The following C10orf143 variants were observed in gnomAD, a reference collection of about 807,000 sequenced individuals.
The protein encoded by C10orf143 is chromosome 10 open reading frame 143.
At chr10:130,077,067 G>A (rs1861130382) in intron 3 of C10orf143, among the ~76,000 whole-genome samples, 1 of 152,078 alleles carries the variant, frequency 6.6e-6, no homozygotes. Context: ...ATGTACAGCA[G>A]GAGATAAACC....
intron 1 of C10orf143, among the ~76,000 whole-genome samples, chr10:130,082,732 G>A (rs532569432): frequency 5.9e-5 from 9 of 152,232 alleles, no homozygotes; most frequent in African/African-American, 9.6e-5. Flanking sequence ...TATCAGCAGC[G>A]TGAAAACAGA....
chr10:130,088,321 T>A (rs1377221812), intron 1 of C10orf143, among the ~76,000 whole-genome samples: 1 of 151,746 alleles, frequency 6.6e-6, no homozygotes, highest in Non-Finnish European at 1.5e-5. Context: ...GAGGCAGAGG[T>A]TGTAGTGAGC....
chr10:130,040,572 G>C (rs117057775), intron 3 of C10orf143, among the ~76,000 whole-genome samples: 1 of 152,220 alleles, frequency 6.6e-6, no homozygotes, highest in Admixed American at 6.5e-5. Context: ...ATGGGACGGC[G>C]TGCTGGCTCA....
At chr10:130,061,466 G>A (rs910884287), downstream of C10orf143, among the ~76,000 whole-genome samples, 13 of 152,178 alleles carry the variant, frequency 8.5e-5, no homozygotes, top group African/African-American at 3.1e-4. Context: ...AGTTTCGTAA[G>A]TTGTTGGTTT....
intron 3 of C10orf143, among the ~76,000 whole-genome samples, chr10:130,075,770 G>A (rs1861105669): frequency 6.6e-6 from 1 of 152,004 alleles, no homozygotes; most frequent in African/African-American, 2.4e-5. Context: ...AAAGTGCATA[G>A]CACTTCCCCT....
intron 3 of C10orf143, among the ~76,000 whole-genome samples, chr10:130,072,438 T>C (rs1477517942): frequency 6.6e-6 from 1 of 152,210 alleles, no homozygotes; most frequent in East Asian, 1.9e-4. Context: ...TTTTATACTA[T>C]CCATCTTTTT....
chr10:130,076,748 T>C (rs1861124851), intron 3 of C10orf143, among the ~76,000 whole-genome samples: 1 of 152,190 alleles, frequency 6.6e-6, no homozygotes, highest in Non-Finnish European at 1.5e-5. Context: ...TTCATTTCCA[T>C]TTCACACTTG....
chr10:130,061,171 T>C (rs930864838), downstream of C10orf143, among the ~76,000 whole-genome samples: 16 of 152,310 alleles, frequency 1.1e-4, no homozygotes, highest in Non-Finnish European at 2.2e-4. Context: ...TAAAAGTACA[T>C]GCTTGGGAGC....
At chr10:130,100,252 C>T (rs372747255) in intron 1 of C10orf143, among the ~76,000 whole-genome samples, 12 of 152,096 alleles carry the variant, frequency 7.9e-5, no homozygotes, top group African/African-American at 2.4e-4. Context: ...CAAAACAGGG[C>T]GAGGCACAGT....
intron 3 of C10orf143, among the ~76,000 whole-genome samples, chr10:130,074,491 G>A (rs762991794): frequency 2.1e-4 from 32 of 152,242 alleles, no homozygotes; most frequent in Non-Finnish European, 3.1e-4. Flanking sequence ...AGGGCACTGC[G>A]CATCGATCTC....
At chr10:130,059,471 T>C (rs1441497787), downstream of C10orf143, among the ~76,000 whole-genome samples, 1 of 152,052 alleles carries the variant, frequency 6.6e-6, no homozygotes, top group African/African-American at 2.4e-5. Context: ...AGGTGGAAAG[T>C]TTACAAAAGA....
intron 1 of C10orf143, among the ~76,000 whole-genome samples, chr10:130,082,961 AC>A (rs898719026): frequency 1.3e-5 from 2 of 152,206 alleles, no homozygotes; most frequent in African/African-American, 4.8e-5. Context: ...GTAAGGCCAA[AC>A]AAACAAAAAA....
chr10:130,048,510 A>G (rs1387436924), intron 3 of C10orf143, among the ~76,000 whole-genome samples: 1 of 151,998 alleles, frequency 6.6e-6, no homozygotes, highest in Non-Finnish European at 1.5e-5. Context: ...CAAGTCCCCA[A>G]CTCACGTCAC....
At position 130,056,343 on chromosome 10, in the gene C10orf143, G is replaced by A. The variant is rs1035413560; in HGVS notation, c.298-20373C>T. Among the ~76,000 whole-genome samples the A allele has an allele frequency of 6.6e-6, 1 of 152,120 alleles. No individual in the cohort carries two copies. The highest frequency in any genetic ancestry group is 2.4e-5 in the African/African-American group (1 of 41,422). On this transcript the variant is annotated intron_variant and NMD_transcript_variant, in intron 3 of 5. Transcript: ENST00000643056. The surrounding 1 kb of genome is among the most constrained non-coding windows in gnomAD (Gnocchi z 4.6). ...AGATCAGGGGTGGGGGTGCCGTCAT[G>A]AGCAGGATGAGGGCAGCACCCCTGA...
intron 1 of C10orf143, among the ~76,000 whole-genome samples, chr10:130,084,182 C>T (rs1233749984): frequency 6.6e-6 from 1 of 151,958 alleles, no homozygotes; most frequent in East Asian, 1.9e-4. Context: ...GGCGTGGTGG[C>T]AGGCACCTGT....
chr10:130,042,828 G>A (rs984854352), intron 3 of C10orf143, among the ~76,000 whole-genome samples: 2 of 152,208 alleles, frequency 1.3e-5, no homozygotes, highest in African/African-American at 2.4e-5. Flanking sequence ...GTCACGGCTT[G>A]GAGGAAACTT....
At chr10:130,078,086 G>A (rs766868475) in intron 3 of C10orf143, among the ~76,000 whole-genome samples, 5 of 152,076 alleles carry the variant, frequency 3.3e-5, no homozygotes, top group Non-Finnish European at 7.4e-5. Context: ...CATTTCCTAC[G>A]AAACATAACA....
chr10:130,055,527 A>G (rs1860784969), intron 3 of C10orf143, among the ~76,000 whole-genome samples: 1 of 152,244 alleles, frequency 6.6e-6, no homozygotes, highest in African/African-American at 2.4e-5. Flanking sequence ...CCAGGCATTT[A>G]TGACTCCTGA....
intron 3 of C10orf143, among the ~76,000 whole-genome samples, chr10:130,043,609 G>T (rs546351251): frequency 2.4e-4 from 37 of 152,336 alleles, no homozygotes; most frequent in African/African-American, 8.7e-4. Context: ...CCAAGGGGCA[G>T]GTTGGGGGAA....
Sources: gnomAD v4.1 joint callset for allele counts (sites outside exome capture counted in the v4.1 genomes callset) on GRCh38, gnomAD v4.1.1 for gene constraint, Gnocchi (gnomAD v3.1) non-coding constraint, MANE v1.5 for transcripts, NCBI Gene and HGNC (gene_info 2026-07-23, HGNC 2026-07-21) for gene names.